The following DGKI variants were observed in gnomAD, a reference collection of about 807,000 sequenced individuals.
DGKI encodes diacylglycerol kinase iota.
DGKI carries 55 observed loss-of-function variants against 147.5 expected under a neutral mutation model. That is an observed-to-expected ratio of 0.37 (90% CI 0.30 to 0.47). The LOEUF (loss-of-function observed/expected upper bound fraction) is 0.47, where lower values mean the gene tolerates loss of function less well. Ranked by LOEUF, DGKI falls within the 20% of genes least tolerant of loss-of-function variation. The pLI is 1.00. For missense variants in DGKI, 1,007 were observed against 1,323.8 expected (o/e 0.76, Z 3.71); for synonymous variants, 469 against 477.1 (o/e 0.98, Z 0.22).
intron 8 of DGKI, among the ~76,000 whole-genome samples, chr7:137,618,918 A>G (rs1820644426): frequency 6.6e-6 from 1 of 152,212 alleles, no homozygotes; most frequent in Non-Finnish European, 1.5e-5. Flanking sequence ...TAAACTTTAT[A>G]TAAAACACAG....
intron 19 of DGKI, among the ~76,000 whole-genome samples, chr7:137,563,375 A>G (rs1332578245): frequency 1.3e-5 from 2 of 152,044 alleles, no homozygotes; most frequent in Non-Finnish European, 2.9e-5. Context: ...TATCATTTTT[A>G]TTCAACATCT....
At chr7:137,438,447 T>C (rs1813367298) in intron 28 of DGKI, among the ~76,000 whole-genome samples, 1 of 152,138 alleles carries the variant, frequency 6.6e-6, no homozygotes. Context: ...GGTGAGGATG[T>C]AGATCAATGG....
At chr7:137,490,519 G>A (rs903891750) in intron 21 of DGKI, among the ~76,000 whole-genome samples, 5 of 151,988 alleles carry the variant, frequency 3.3e-5, no homozygotes, top group Non-Finnish European at 2.9e-5. Context: ...CAGTAGTTTC[G>A]TAAGTTATAT....
chr7:137,767,567 A>AGAGAAGGAGAAG (rs962911804), intron 1 of DGKI, among the ~76,000 whole-genome samples: 2 of 150,936 alleles, frequency 1.3e-5, no homozygotes, highest in African/African-American at 4.9e-5. Context: ...AGAGAAGAGA[A>AGAGAAGGAGAAG]GAGAAGGAGA....
At chr7:137,514,770 A>G (rs1174623086) in intron 21 of DGKI, among the ~76,000 whole-genome samples, 1 of 152,170 alleles carries the variant, frequency 6.6e-6, no homozygotes, top group African/African-American at 2.4e-5. Context: ...CAACTCTACT[A>G]CTTTAACTCT....
intron 1 of DGKI, among the ~76,000 whole-genome samples, chr7:137,767,546 A>G (rs1160735505): frequency 4.9e-5 from 7 of 143,300 alleles, no homozygotes; most frequent in African/African-American, 1.9e-4. Context: ...AGTAGGAGGA[A>G]GAGGAAGAGA....
intron 1 of DGKI, among the ~76,000 whole-genome samples, chr7:137,733,702 G>T (rs1157486387): frequency 1.3e-5 from 2 of 152,082 alleles, no homozygotes; most frequent in African/African-American, 2.4e-5. Flanking sequence ...AGTAAATCAT[G>T]GGCGTGACAG....
At chr7:137,523,766 A>G (rs188018246) in intron 20 of DGKI, among the ~76,000 whole-genome samples, 1 of 152,298 alleles carries the variant, frequency 6.6e-6, no homozygotes, top group African/African-American at 2.4e-5. Context: ...ATACAGCTTG[A>G]CAGTATATTT....
chr7:137,633,382 T>G (rs569318588), intron 6 of DGKI, among the ~76,000 whole-genome samples: 10 of 152,322 alleles, frequency 6.6e-5, no homozygotes, highest in African/African-American at 2.4e-4. Flanking sequence ...TGGTCTGTTG[T>G]GTAAGAGGAA....
At chr7:137,489,787 A>T in intron 21 of DGKI, among the ~76,000 whole-genome samples, 1 of 152,276 alleles carries the variant, frequency 6.6e-6, no homozygotes, top group East Asian at 1.9e-4. Context: ...ATGTTTATCC[A>T]TTTACTTAAG....
At position 137,397,535 on chromosome 7, in the gene DGKI, A is replaced by T. The variant is rs187402645; in HGVS notation, c.2921-122T>A. ...GCTAAATTTGGGGATAGGAATAATA[A>T]GACAGAAAGAAAAATAAAAGGATTC... On this transcript the variant is annotated intron_variant, in intron 30 of 32. Transcript: ENST00000614521. The T allele has an allele frequency of 4.5e-4, 395 of 868,144 alleles. 6 individuals carry two copies. In the Middle Eastern group the frequency reaches 5.5e-3, roughly 12 times the overall value. 53.8% of individuals were successfully genotyped at this position (868,144 alleles called of 1,614,324 possible). A position where few individuals can be genotyped will look rare whatever the true frequency, so the allele number is the denominator to read the frequency against.
intron 30 of DGKI, among the ~76,000 whole-genome samples, chr7:137,407,508 C>T (rs1441121136): frequency 2.0e-5 from 3 of 152,034 alleles, no homozygotes; most frequent in Non-Finnish European, 4.4e-5. Context: ...ACCGCAAATA[C>T]AGGTGAGGTA....
intron 2 of DGKI, among the ~76,000 whole-genome samples, chr7:137,683,568 G>A (rs767485578): frequency 4.6e-5 from 7 of 152,018 alleles, no homozygotes; most frequent in South Asian, 2.1e-4. Flanking sequence ...AACATACCTC[G>A]CATTTCCCTT....
intron 3 of DGKI, among the ~76,000 whole-genome samples, chr7:137,674,860 T>C (rs1326658623): frequency 1.3e-5 from 2 of 152,210 alleles, no homozygotes; most frequent in African/African-American, 2.4e-5. Context: ...CTTCCTTCTC[T>C]TAACTTCTAC....
At chr7:137,517,374 A>G (rs1816815080) in intron 21 of DGKI, among the ~76,000 whole-genome samples, 1 of 135,682 alleles carries the variant, frequency 7.4e-6, no homozygotes, top group Non-Finnish European at 1.6e-5. Flanking sequence ...AGAGGGAGAG[A>G]GAGAGGGCGG....
chr7:137,699,180 T>G (rs10216016), intron 1 of DGKI, among the ~76,000 whole-genome samples: 5,156 of 152,232 alleles, frequency 0.034, 297 homozygotes, highest in African/African-American at 0.12. Context: ...ATGTGCTTGC[T>G]TAGGTCTCTT....
chr7:137,794,143 T>C (rs1796952234), intron 1 of DGKI, among the ~76,000 whole-genome samples: 1 of 152,240 alleles, frequency 6.6e-6, no homozygotes, highest in Non-Finnish European at 1.5e-5. Context: ...AGACCTCTAC[T>C]GCACATAATA....
chr7:137,517,285 AAGAAAG>A (rs1379737174), intron 21 of DGKI, among the ~76,000 whole-genome samples: 2 of 103,340 alleles, frequency 1.9e-5, no homozygotes, highest in African/African-American at 3.8e-5. Context: ...AAGAAAAAGA[AAGAAAG>A]AAAGAAAGAA....
chr7:137,515,646 A>G (rs1461332141), intron 21 of DGKI, among the ~76,000 whole-genome samples: 10 of 152,140 alleles, frequency 6.6e-5, no homozygotes, highest in Non-Finnish European at 1.5e-5. Context: ...CAGTGATTAA[A>G]TAAGTATTCA....
Sources: allele counts gnomAD v4.1 joint callset (sites outside exome capture counted in the v4.1 genomes callset), GRCh38; gene constraint gnomAD v4.1.1; transcripts MANE v1.5; gene names NCBI Gene and HGNC (gene_info 2026-07-23, HGNC 2026-07-21).